ARHGAP42: variants seen among roughly 807,000 people sequenced by gnomAD.
ARHGAP42 encodes the protein rho GTPase-activating protein 42.
A neutral mutation model predicts 125.0 loss-of-function variants in ARHGAP42; 63 were observed. The ratio of observed to expected loss-of-function variants is 0.50; its 90% CI spans 0.41 to 0.62. The LOEUF (loss-of-function observed/expected upper bound fraction) is 0.62, where lower values mean the gene tolerates loss of function less well. Ranked by LOEUF, ARHGAP42 falls within the 20% of genes least tolerant of loss-of-function variation. The probability of loss-of-function intolerance (pLI) is 0.00; values close to 1 mark genes in which losing one functional copy is unlikely to be tolerated. For missense variants in ARHGAP42, 766 were observed against 1,024.2 expected, an observed-to-expected ratio of 0.75 and a Z score of 3.44; for synonymous variants, 339 against 351.0, an observed-to-expected ratio of 0.97 and a Z score of 0.38.
chr11:100,846,766 C>A (rs143414369), intron 3 of ARHGAP42, among the ~76,000 whole-genome samples: 298 of 151,976 alleles, frequency 2.0e-3, no homozygotes, highest in African/African-American at 6.8e-3. Context: ...CGAGACTTAG[C>A]CTAGGAATAT....
intron 6 of ARHGAP42, among the ~76,000 whole-genome samples, chr11:100,929,857 T>C (rs1867526883): frequency 6.6e-6 from 1 of 152,228 alleles, no homozygotes; most frequent in African/African-American, 2.4e-5. Context: ...CTGTGAGTTT[T>C]CTTTCAATTT....
chr11:100,968,282 A>C (rs1447905502), intron 17 of ARHGAP42, among the ~76,000 whole-genome samples: 2 of 152,140 alleles, frequency 1.3e-5, no homozygotes, highest in African/African-American at 4.8e-5. Context: ...TGTTTAATCC[A>C]TTCACATTTA....
intron 3 of ARHGAP42, among the ~76,000 whole-genome samples, chr11:100,804,914 C>A (rs147945511): frequency 6.6e-6 from 1 of 152,178 alleles, no homozygotes; most frequent in Non-Finnish European, 1.5e-5. Flanking sequence ...GTGGTCAGTA[C>A]ATTAGACATC....
intron 3 of ARHGAP42, among the ~76,000 whole-genome samples, chr11:100,838,400 A>G (rs73577331): frequency 0.012 from 1,823 of 152,224 alleles, 42 homozygotes; most frequent in African/African-American, 0.041. Context: ...AGCTAAAGAT[A>G]TCTTAATTAT....
intron 3 of ARHGAP42, among the ~76,000 whole-genome samples, chr11:100,854,056 G>C (rs1044546799): frequency 6.6e-6 from 1 of 151,962 alleles, no homozygotes; most frequent in Non-Finnish European, 1.5e-5. Context: ...ATGAGATAAG[G>C]ACATATTATC....
intron 1 of ARHGAP42, among the ~76,000 whole-genome samples, chr11:100,692,102 C>A (rs1186917120): frequency 6.6e-6 from 1 of 152,194 alleles, no homozygotes; most frequent in East Asian, 1.9e-4. Flanking sequence ...TAGCCTGCAG[C>A]ATCTTGGCTA....
At chr11:100,987,719 C>A (rs752189252) in intron 23 of ARHGAP42, 127 bp downstream of exon 23, 4 of 847,450 alleles carry the variant, frequency 4.7e-6, no homozygotes, top group East Asian at 2.7e-5. Context: ...CCTCTCATAA[C>A]GGGCATGCAT....
At chr11:100,766,591 T>C (rs2098467260) in intron 1 of ARHGAP42, among the ~76,000 whole-genome samples, 1 of 152,176 alleles carries the variant, frequency 6.6e-6, no homozygotes, top group Admixed American at 6.6e-5. Flanking sequence ...GATTTTAAAT[T>C]AATGGAAGAT....
At chr11:100,829,588 C>G (rs1384074978) in intron 3 of ARHGAP42, among the ~76,000 whole-genome samples, 1 of 152,098 alleles carries the variant, frequency 6.6e-6, no homozygotes, top group African/African-American at 2.4e-5. Context: ...TCCTCTGCCC[C>G]CTAGGGTGGC....
chr11:100,710,785 C>T lies in ARHGAP42; in HGVS notation c.154+22953C>T, dbSNP rs189967664. Among the ~76,000 whole-genome samples, 8 of 152,158 alleles carry T rather than the reference C, an allele frequency of 5.3e-5. No individual in the cohort carries two copies. The South Asian group carries it at 6.2e-4, about 12-fold the overall frequency. On this transcript the variant is annotated intron_variant, in intron 1 of 23. Transcript: ENST00000298815. ...TGATCTCCTGATCTTGTGATCTGCC[C>T]GCCTCGGTCTCCCAAAGTGCAGGGA...
intron 3 of ARHGAP42, among the ~76,000 whole-genome samples, chr11:100,805,090 T>C (rs1411629955): frequency 6.6e-6 from 1 of 152,210 alleles, no homozygotes; most frequent in Non-Finnish European, 1.5e-5. Context: ...TAATTTAATA[T>C]GAACAGCAGT....
intron 3 of ARHGAP42, among the ~76,000 whole-genome samples, chr11:100,826,734 C>T (rs894821790): frequency 6.6e-6 from 1 of 152,106 alleles, no homozygotes; most frequent in Admixed American, 6.6e-5. Context: ...ACTGTCTCAC[C>T]CTCCCTAAGA....
intron 3 of ARHGAP42, among the ~76,000 whole-genome samples, chr11:100,849,273 T>C (rs1865146947): frequency 6.6e-6 from 1 of 152,186 alleles, no homozygotes. Flanking sequence ...TGAAAGAGGC[T>C]CTTTACTTCC....
chr11:100,695,516 G>C (rs1002986797), intron 1 of ARHGAP42, among the ~76,000 whole-genome samples: 1 of 152,120 alleles, frequency 6.6e-6, no homozygotes, highest in Non-Finnish European at 1.5e-5. Flanking sequence ...TGTTGGTCAG[G>C]CTGGTCTCAA....
chr11:100,825,338 G>A (rs574920166), intron 3 of ARHGAP42, among the ~76,000 whole-genome samples: 3 of 152,178 alleles, frequency 2.0e-5, no homozygotes, highest in Non-Finnish European at 2.9e-5. Flanking sequence ...AGGGCATACC[G>A]ATTTAATAAT....
intron 4 of ARHGAP42, among the ~76,000 whole-genome samples, chr11:100,892,750 T>A (rs1158883795): frequency 3.3e-5 from 5 of 152,194 alleles, no homozygotes; most frequent in Admixed American, 6.5e-5. Flanking sequence ...GCACATTTTC[T>A]TTCTGGTTTT....
chr11:100,832,622 A>G (rs1864689049), intron 3 of ARHGAP42, among the ~76,000 whole-genome samples: 1 of 152,292 alleles, frequency 6.6e-6, no homozygotes, highest in South Asian at 2.1e-4. Flanking sequence ...TGTGTTTACC[A>G]AAATGTCAGA....
intron 3 of ARHGAP42, among the ~76,000 whole-genome samples, chr11:100,833,807 G>A (rs1023178831): frequency 6.6e-6 from 1 of 152,148 alleles, no homozygotes; most frequent in Non-Finnish European, 1.5e-5. Flanking sequence ...CACTCTGGCT[G>A]GCCCATATTC....
At chr11:100,877,316 A>G (rs1361886347) in intron 4 of ARHGAP42, among the ~76,000 whole-genome samples, 1 of 152,154 alleles carries the variant, frequency 6.6e-6, no homozygotes, top group Non-Finnish European at 1.5e-5. Flanking sequence ...TGCTTACCTT[A>G]CTTAGCCTCT....
Sources: gnomAD v4.1 joint callset for allele counts (sites outside exome capture counted in the v4.1 genomes callset) on GRCh38, gnomAD v4.1.1 for gene constraint, MANE v1.5 for transcripts, NCBI Gene and HGNC (gene_info 2026-07-23, HGNC 2026-07-21) for gene names.